Variants in PRKD1 observed in about 807,000 individuals in gnomAD.
The protein encoded by PRKD1 is serine/threonine-protein kinase D1.
In PRKD1, 63 loss-of-function variants were observed where a neutral mutation model predicts 95.9. The ratio of observed to expected loss-of-function variants is 0.66; its 90% CI spans 0.54 to 0.81. The LOEUF is 0.81. Among genes scored for constraint, PRKD1 ranks in the 30% least tolerant of loss-of-function variants. PRKD1 has a pLI of 0.00. For missense variants in PRKD1, 1,048 were observed against 1,165.3 expected (o/e 0.90, Z 1.47); for synonymous variants, 425 against 423.1 (o/e 1.00, Z -0.05).
intron 2 of PRKD1, among the ~76,000 whole-genome samples, chr14:29,683,648 T>C (rs1883669785): frequency 6.6e-6 from 1 of 151,968 alleles, no homozygotes; most frequent in African/African-American, 2.4e-5. Flanking sequence ...AATAGAAGGG[T>C]TTAAAAATAC....
At position 29,886,105 on chromosome 14, in the gene PRKD1, A is replaced by G. The variant is rs1005987125; in HGVS notation, c.264+41144T>C. Among the ~76,000 whole-genome samples the G allele has an allele frequency of 7.2e-5, 11 of 152,360 alleles. No homozygotes were observed. The East Asian group carries it at 2.1e-3, about 29-fold the overall frequency. ...CACGTAGCAGTGATACGTGTCCAGG[A>G]GGAACTTTAGAACAGGCATTAAATG... On this transcript the variant is annotated intron_variant, in intron 1 of 17. Coordinates refer to ENST00000331968, the MANE Select transcript of PRKD1 (RefSeq NM_002742.3).
chr14:29,912,286 A>T (rs1373705813), intron 1 of PRKD1, among the ~76,000 whole-genome samples: 1 of 152,128 alleles, frequency 6.6e-6, no homozygotes, highest in East Asian at 1.9e-4. Flanking sequence ...GCCTACCACG[A>T]AGTGTTATTT....
chr14:29,633,713 A>G (rs1293053344), intron 8 of PRKD1, among the ~76,000 whole-genome samples: 1 of 152,220 alleles, frequency 6.6e-6, no homozygotes, highest in Non-Finnish European at 1.5e-5. Context: ...CCATGTCTAA[A>G]AAGAACTAGG....
chr14:29,853,870 A>C (rs981653326), intron 1 of PRKD1, among the ~76,000 whole-genome samples: 1 of 152,070 alleles, frequency 6.6e-6, no homozygotes, highest in Non-Finnish European at 1.5e-5. Flanking sequence ...TAAAAACAGG[A>C]GTTTCCCTGC....
At chr14:29,792,122 T>C (rs1220625646) in intron 1 of PRKD1, among the ~76,000 whole-genome samples, 1 of 152,132 alleles carries the variant, frequency 6.6e-6, no homozygotes, top group Non-Finnish European at 1.5e-5. Flanking sequence ...CTGCCAGCAT[T>C]TTCCCTCCAA....
At chr14:29,589,367 A>G (rs1376979175) in intron 16 of PRKD1, among the ~76,000 whole-genome samples, 1 of 152,212 alleles carries the variant, frequency 6.6e-6, no homozygotes, top group Non-Finnish European at 1.5e-5. Context: ...CTCTAAGAAT[A>G]AACTCTGTGG....
At chr14:29,779,425 C>G (rs1259915029) in intron 1 of PRKD1, among the ~76,000 whole-genome samples, 1 of 152,174 alleles carries the variant, frequency 6.6e-6, no homozygotes, top group African/African-American at 2.4e-5. Flanking sequence ...AGCTGATAAG[C>G]AACTTCAGCA....
chr14:29,759,157 T>C (rs766159587), intron 1 of PRKD1, among the ~76,000 whole-genome samples: 9 of 152,164 alleles, frequency 5.9e-5, no homozygotes, highest in Non-Finnish European at 1.0e-4. Flanking sequence ...AGTTAACACA[T>C]TATATTGAGA....
intron 13 of PRKD1, among the ~76,000 whole-genome samples, chr14:29,613,127 C>G (rs1878596026): frequency 6.6e-6 from 1 of 152,018 alleles, no homozygotes; most frequent in South Asian, 2.1e-4. Context: ...TAATATAATG[C>G]AAGGAAAGAA....
intron 2 of PRKD1, among the ~76,000 whole-genome samples, chr14:29,671,836 G>C (rs1197358272): frequency 6.6e-6 from 1 of 151,972 alleles, no homozygotes; most frequent in Non-Finnish European, 1.5e-5. Flanking sequence ...ATTCTAATAA[G>C]AATAGAAAAA....
At chr14:29,875,403 T>C (rs1409990444) in intron 1 of PRKD1, among the ~76,000 whole-genome samples, 1 of 152,218 alleles carries the variant, frequency 6.6e-6, no homozygotes, top group African/African-American at 2.4e-5. Flanking sequence ...ATCATAATAT[T>C]TGCATGTGGA....
intron 1 of PRKD1, among the ~76,000 whole-genome samples, chr14:29,750,455 A>C (rs1403847578): frequency 1.3e-5 from 2 of 152,200 alleles, no homozygotes; most frequent in Non-Finnish European, 2.9e-5. Context: ...CGAGCTATAC[A>C]TACATTTAAG....
At chr14:29,893,234 A>G (rs943447915) in intron 1 of PRKD1, among the ~76,000 whole-genome samples, 1 of 152,160 alleles carries the variant, frequency 6.6e-6, no homozygotes, top group African/African-American at 2.4e-5. Flanking sequence ...TTTAAAGATC[A>G]GATTTCCAAA....
chr14:29,638,148 G>C (rs536352032), intron 6 of PRKD1: 1 of 248,914 alleles, frequency 4.0e-6, no homozygotes, highest in South Asian at 1.5e-4. Flanking sequence ...GAGGAAAAGA[G>C]ACTGAGAGCT....
chr14:29,894,505 T>C (rs1398483511), intron 1 of PRKD1, among the ~76,000 whole-genome samples: 1 of 152,200 alleles, frequency 6.6e-6, no homozygotes, highest in East Asian at 1.9e-4. Context: ...CTAGTGGATA[T>C]CATTGAAATG....
At chr14:29,801,196 G>C (rs988705883) in intron 1 of PRKD1, among the ~76,000 whole-genome samples, 1 of 152,064 alleles carries the variant, frequency 6.6e-6, no homozygotes, top group Non-Finnish European at 1.5e-5. Context: ...CAGTCTTGAG[G>C]CAAAACTTCT....
At chr14:29,630,712 T>C (rs1879942175) in intron 10 of PRKD1, 30 bp downstream of exon 10, 13 of 1,613,580 alleles carry the variant, frequency 8.1e-6, no homozygotes, top group Admixed American at 1.7e-5. Context: ...ATGATGAGCT[T>C]TGGGCTGGTT....
At chr14:29,838,678 G>A (rs1891706557) in intron 1 of PRKD1, among the ~76,000 whole-genome samples, 1 of 151,994 alleles carries the variant, frequency 6.6e-6, no homozygotes. Flanking sequence ...TGGGTACAGG[G>A]ATCTATATAT....
chr14:29,873,710 C>A (rs1893190684), intron 1 of PRKD1, among the ~76,000 whole-genome samples: 1 of 151,778 alleles, frequency 6.6e-6, no homozygotes, highest in Non-Finnish European at 1.5e-5. Flanking sequence ...GGGGGGCACC[C>A]ATCCCAGAAA....
Sources: gnomAD v4.1 joint callset for allele counts (sites outside exome capture counted in the v4.1 genomes callset) on GRCh38, gnomAD v4.1.1 for gene constraint, MANE v1.5 for transcripts, NCBI Gene and HGNC (gene_info 2026-07-23, HGNC 2026-07-21) for gene names.